VEGFC: variants seen among roughly 807,000 people sequenced by gnomAD.
The protein encoded by VEGFC is vascular endothelial growth factor C, also known as FLT4 ligand DHM.
In VEGFC, 12 loss-of-function variants were observed where a neutral mutation model predicts 46.1. That is an observed-to-expected ratio of 0.26 (90% confidence interval 0.17 to 0.42). The LOEUF (loss-of-function observed/expected upper bound fraction) is 0.42, where lower values mean the gene tolerates loss of function less well. Ranked by LOEUF, VEGFC falls within the 10% of genes least tolerant of loss-of-function variation. The probability of loss-of-function intolerance (pLI) is 1.00; values close to 1 mark genes in which losing one functional copy is unlikely to be tolerated. For synonymous variants in VEGFC, 232 were observed against 195.5 expected (o/e 1.19, Z -1.56); for missense variants, 488 against 529.4 (o/e 0.92, Z 0.77).
intron 1 of VEGFC, among the ~76,000 whole-genome samples, chr4:176,735,970 C>T (rs1260563938): frequency 6.6e-6 from 1 of 151,750 alleles, no homozygotes; most frequent in African/African-American, 2.4e-5. Flanking sequence ...AACTAATTTG[C>T]CTTAATTGAA....
intron 1 of VEGFC, among the ~76,000 whole-genome samples, chr4:176,780,674 T>C (rs762766230): frequency 1.3e-5 from 2 of 152,152 alleles, no homozygotes; most frequent in Non-Finnish European, 2.9e-5. Context: ...ACATCAAGGA[T>C]ACATTTAATT....
intron 1 of VEGFC, among the ~76,000 whole-genome samples, chr4:176,767,024 G>C (rs1015619739): frequency 1.1e-4 from 14 of 125,828 alleles, no homozygotes; most frequent in African/African-American, 4.2e-4. Context: ...AAGAAAGAAA[G>C]AAAGAAAAAA....
chr4:176,766,609 A>G (rs1735628521), intron 1 of VEGFC, among the ~76,000 whole-genome samples: 1 of 151,770 alleles, frequency 6.6e-6, no homozygotes, highest in African/African-American at 2.4e-5. Flanking sequence ...AAAAACAAGG[A>G]AAAGAAAAGA....
At chr4:176,763,710 G>T (rs568447822) in intron 1 of VEGFC, among the ~76,000 whole-genome samples, 103 of 152,158 alleles carry the variant, frequency 6.8e-4, no homozygotes, top group Non-Finnish European at 1.1e-3. Context: ...TTTCAGAAAT[G>T]CATGATTTAA....
intron 2 of VEGFC, 79 bp downstream of exon 2, chr4:176,729,454 T>C (rs1048725679): frequency 3.5e-5 from 42 of 1,192,202 alleles, no homozygotes; most frequent in Non-Finnish European, 4.5e-5. Flanking sequence ...ATACAAACAC[T>C]GAAATTAAAG....
At chr4:176,735,679 G>A (rs1735042249) in intron 1 of VEGFC, among the ~76,000 whole-genome samples, 1 of 151,724 alleles carries the variant, frequency 6.6e-6, no homozygotes, top group Non-Finnish European at 1.5e-5. Context: ...TCTGAACAGG[G>A]GCAATTTTGA....
chr4:176,685,519 T>C (rs1734023840), intron 6 of VEGFC, among the ~76,000 whole-genome samples: 1 of 152,128 alleles, frequency 6.6e-6, no homozygotes. Context: ...TGTATAGTAT[T>C]AGGAGAAATG....
At chr4:176,723,878 C>A (rs866046053) in intron 3 of VEGFC, among the ~76,000 whole-genome samples, 17 of 143,580 alleles carry the variant, frequency 1.2e-4, no homozygotes, top group African/African-American at 3.9e-4. Flanking sequence ...AGGTTTGTTA[C>A]ATAGGTAAAC....
intron 4 of VEGFC, among the ~76,000 whole-genome samples, chr4:176,692,736 C>G (rs1423668290): frequency 1.3e-5 from 2 of 148,888 alleles, no homozygotes; most frequent in Non-Finnish European, 3.0e-5. Flanking sequence ...TGTCTGACAG[C>G]TTTGAAGAGA....
chr4:176,783,935 C>T (rs74400301), intron 1 of VEGFC, among the ~76,000 whole-genome samples: 1,637 of 152,174 alleles, frequency 0.011, 21 homozygotes, highest in African/African-American at 0.037. Context: ...ATGTCTAGGA[C>T]ATAGTACTTA....
intron 4 of VEGFC, among the ~76,000 whole-genome samples, chr4:176,707,466 A>G (rs1176817340): frequency 6.6e-6 from 1 of 152,206 alleles, no homozygotes; most frequent in East Asian, 1.9e-4. Flanking sequence ...ATTGTGGGCC[A>G]TAATTCATAA....
intron 4 of VEGFC, among the ~76,000 whole-genome samples, chr4:176,688,753 T>C (rs554552747): frequency 6.6e-6 from 1 of 152,274 alleles, no homozygotes; most frequent in East Asian, 1.9e-4. Flanking sequence ...GAGACCCCTC[T>C]CTGTTGGTGC....
intron 3 of VEGFC, among the ~76,000 whole-genome samples, chr4:176,714,167 G>T (rs1280125207): frequency 6.6e-6 from 1 of 152,218 alleles, no homozygotes; most frequent in Non-Finnish European, 1.5e-5. Flanking sequence ...GTTAGAGGTG[G>T]GAGCTGGCGG....
intron 4 of VEGFC, among the ~76,000 whole-genome samples, chr4:176,688,955 T>A (rs1579084341): frequency 6.6e-6 from 1 of 152,194 alleles, no homozygotes; most frequent in African/African-American, 2.4e-5. Context: ...CTAGACCTTT[T>A]CAGGGGGCAG....
chr4:176,739,953 CTATA>C (rs1166464838), intron 1 of VEGFC, among the ~76,000 whole-genome samples: 8 of 20,806 alleles, frequency 3.8e-4, no homozygotes, highest in African/African-American at 4.9e-4. Flanking sequence ...ATATATATAA[CTATA>C]TATTCGATAT....
chr4:176,740,332 T>C (rs1735144961), intron 1 of VEGFC, among the ~76,000 whole-genome samples: 1 of 120,062 alleles, frequency 8.3e-6, no homozygotes, highest in Non-Finnish European at 1.6e-5. Context: ...TAAATAAATA[T>C]ATATAACTAT....
In VEGFC at chr4:176,792,502, C is replaced by G. The variant is rs1736119351; in HGVS notation, c.-191G>C. 1 of 420,728 alleles carries G rather than the reference C, an allele frequency of 2.4e-6. No homozygotes were observed. The highest frequency in any genetic ancestry group is 4.1e-6 in the Non-Finnish European group (1 of 242,090). The allele number at this position is 420,728 out of a possible 1,614,324, so 26.1% of individuals were successfully genotyped here. A position where few individuals can be genotyped will look rare whatever the true frequency, so the allele number is the denominator to read the frequency against. On this transcript the variant is annotated 5_prime_UTR_variant, in exon 1 of 7. Coordinates refer to ENST00000618562, the MANE Select transcript of VEGFC (RefSeq NM_005429.5). The surrounding 1 kb of genome is among the most constrained non-coding windows in gnomAD (Gnocchi z 6.3). ...CGTTCCCAACTTTGCAGGGCGCCCT[C>G]CCAGCCAGTGCCGGGGAAAGGCGGC... is the stretch of plus-strand genomic sequence containing the variant.
In VEGFC at chr4:176,692,553, G is replaced by A. The variant is rs1238299216; in HGVS notation, c.705-4626C>T. On this transcript the variant is annotated intron_variant, in intron 4 of 6. Transcript: ENST00000618562. ...AAGGCGGCAATGAGGCTGGGGGAGG[G>A]ACGCCCGCCATTGCCCAGGCTTGAT... Among the ~76,000 whole-genome samples the A allele has an allele frequency of 1.5e-5, 2 of 133,722 alleles. 1 individual carries two copies. Among genetic ancestry groups the A allele is most frequent in the African/African-American group, 7.3e-5 (2 of 27,212 alleles). The allele number at this position is 133,722 out of a possible 152,430, so 87.7% of individuals were successfully genotyped here.
intron 4 of VEGFC, among the ~76,000 whole-genome samples, chr4:176,705,159 A>AAAT (rs1443110113): frequency 2.0e-5 from 3 of 152,180 alleles, no homozygotes; most frequent in African/African-American, 4.8e-5. Context: ...TTCCTAATAC[A>AAAT]GTATTATAGA....
Sources: gnomAD v4.1 joint callset for allele counts (sites outside exome capture counted in the v4.1 genomes callset) on GRCh38, gnomAD v4.1.1 for gene constraint, Gnocchi (gnomAD v3.1) non-coding constraint, MANE v1.5 for transcripts, NCBI Gene and HGNC (gene_info 2026-07-23, HGNC 2026-07-21) for gene names.